GRB2: variants seen among roughly 807,000 people sequenced by gnomAD.
GRB2 encodes growth factor receptor bound protein 2.
In GRB2, 2 loss-of-function variants were observed where a neutral mutation model predicts 27.4. That is an observed-to-expected ratio of 0.07 (90% confidence interval 0.03 to 0.23). The LOEUF is 0.23. Among genes scored for constraint, GRB2 ranks in the 10% least tolerant of loss-of-function variants. The pLI is 1.00. For synonymous variants in GRB2, 94 were observed against 99.6 expected (o/e 0.94, Z 0.33); for missense variants, 102 against 282.4 (o/e 0.36, Z 4.58).
intron 2 of GRB2, among the ~76,000 whole-genome samples, chr17:75,364,049 GC>G (rs2078803885): frequency 6.6e-6 from 1 of 151,990 alleles, no homozygotes; most frequent in African/African-American, 2.4e-5. Context: ...ATATCTAACA[GC>G]CCAATACATC....
chr17:75,346,514 A>G (rs2078655913), intron 2 of GRB2, among the ~76,000 whole-genome samples: 1 of 150,042 alleles, frequency 6.7e-6, no homozygotes, highest in Non-Finnish European at 1.5e-5. Flanking sequence ...AAAGACAGGT[A>G]TCAATCTTAT....
At chr17:75,401,916 G>A (rs1419883274) in intron 1 of GRB2, among the ~76,000 whole-genome samples, 2 of 152,188 alleles carry the variant, frequency 1.3e-5, no homozygotes, top group African/African-American at 4.8e-5. Flanking sequence ...AGTATTTTCA[G>A]TCTCTTTTCA....
At chr17:75,351,054 C>T (rs911898316) in intron 2 of GRB2, among the ~76,000 whole-genome samples, 6 of 152,036 alleles carry the variant, frequency 3.9e-5, no homozygotes, top group Admixed American at 2.0e-4. Context: ...GTGTGGCACA[C>T]GGCTCTGAGG....
intron 2 of GRB2, 36 bp downstream of exon 2, chr17:75,393,515 A>C: frequency 6.5e-7 from 1 of 1,532,250 alleles, no homozygotes; most frequent in Non-Finnish European, 9.0e-7. Flanking sequence ...GCACAGGGAG[A>C]GCGATCTCAG....
intron 2 of GRB2, among the ~76,000 whole-genome samples, chr17:75,347,791 C>T (rs1468767429): frequency 6.6e-6 from 1 of 152,100 alleles, no homozygotes; most frequent in African/African-American, 2.4e-5. Flanking sequence ...TGTGGAGGTC[C>T]CCAGCTGGAG....
intron 2 of GRB2, among the ~76,000 whole-genome samples, chr17:75,337,901 C>CTACTACTACTACTACTATTATTAT (rs1375563317): frequency 8.5e-6 from 1 of 117,388 alleles, no homozygotes; most frequent in Non-Finnish European, 1.7e-5. Flanking sequence ...ACTACTACTA[C>CTACTACTACTACTACTATTATTAT]TATTATTATT....
At chr17:75,404,962 T>G (rs1165602916) in intron 1 of GRB2, 1 of 150,692 alleles carries the variant, frequency 6.6e-6, no homozygotes, top group African/African-American at 2.4e-5. Flanking sequence ...TTCAAATAGT[T>G]TTTTTTTTTA....
intron 2 of GRB2, among the ~76,000 whole-genome samples, chr17:75,334,990 C>G (rs939094025): frequency 6.6e-6 from 1 of 151,806 alleles, no homozygotes; most frequent in African/African-American, 2.4e-5. Flanking sequence ...GTACCTGGGA[C>G]TATAGGCACT....
At chr17:75,400,220 C>T (rs1458008693) in intron 1 of GRB2, among the ~76,000 whole-genome samples, 1 of 152,134 alleles carries the variant, frequency 6.6e-6, no homozygotes, top group Non-Finnish European at 1.5e-5. Context: ...GTCACCCAGG[C>T]TGAAGTGCAA....
At chr17:75,351,366 C>T (rs1029588425) in intron 2 of GRB2, among the ~76,000 whole-genome samples, 19 of 152,028 alleles carry the variant, frequency 1.2e-4, no homozygotes, top group African/African-American at 3.9e-4. Context: ...TAGAGGAAGA[C>T]GGCCAAGTGC....
In GRB2 at chr17:75,383,088, A is replaced by G. The variant is rs565690610; in HGVS notation, c.78+10463T>C. ...TTGAGACTAGAGAGAATGTTTACCC[A>G]TGGCTTCTCACTGAGGGCAGTTAGA... On this transcript the variant is annotated intron_variant, in intron 2 of 5. Transcript: ENST00000316804. Among the ~76,000 whole-genome samples, 26 of 151,738 alleles carry G rather than the reference A, an allele frequency of 1.7e-4. No individual in the cohort carries two copies. The South Asian group carries it at 5.3e-3, about 31-fold the overall frequency.
At chr17:75,374,561 GAC>G (rs144253308) in intron 2 of GRB2, among the ~76,000 whole-genome samples, 3 of 151,602 alleles carry the variant, frequency 2.0e-5, no homozygotes, top group Non-Finnish European at 2.9e-5. Flanking sequence ...AAATCCTATT[GAC>G]ACACACACAC....
chr17:75,384,817 T>C (rs534198597), intron 2 of GRB2, among the ~76,000 whole-genome samples: 3 of 151,710 alleles, frequency 2.0e-5, no homozygotes, highest in South Asian at 4.1e-4. Flanking sequence ...AAGAGATCTA[T>C]GTATATGATA....
At chr17:75,349,596 C>G (rs1047838114) in intron 2 of GRB2, among the ~76,000 whole-genome samples, 1 of 151,498 alleles carries the variant, frequency 6.6e-6, no homozygotes, top group African/African-American at 2.4e-5. Flanking sequence ...CTGCAACCCC[C>G]GCACCCTCTG....
Position 75,320,310 on chromosome 17 carries a change from AATTCTTTTGTATGTGTTTTAC to A in GRB2, c.*37_*57del, listed in dbSNP as rs1258323081. On this transcript the variant is annotated 3_prime_UTR_variant, in exon 6 of 6. Transcript: ENST00000316804. This position sits in a 1 kb window ranked among gnomAD's most constrained non-coding sequence, Gnocchi z 4.3. ...GCTGTCAGAGGCAGCTTGTGGGTTT[AATTCTTTTGTATGTGTTTTAC>A]ATTTTTCACTTTCTTTAAATAATTG... is the stretch of plus-strand genomic sequence containing the variant. 3 of 1,454,740 alleles carry A rather than the reference AATTCTTTTGTATGTGTTTTAC, an allele frequency of 2.1e-6. No individual in the cohort carries two copies. The highest frequency in any genetic ancestry group is 1.4e-5 in the African/African-American group (1 of 71,584). The allele number at this position is 1,454,740 out of a possible 1,614,324, so 90.1% of individuals were successfully genotyped here.
chr17:75,384,997 G>T (rs1298963377), intron 2 of GRB2, among the ~76,000 whole-genome samples: 1 of 119,526 alleles, frequency 8.4e-6, no homozygotes, highest in East Asian at 2.8e-4. Flanking sequence ...TTCGAGACCA[G>T]CGTGGGCAAC....
chr17:75,326,567 T>C (rs2078500111), intron 3 of GRB2, among the ~76,000 whole-genome samples: 1 of 152,230 alleles, frequency 6.6e-6, no homozygotes, highest in African/African-American at 2.4e-5. Context: ...TACCAGTAAC[T>C]AAGGTCAGCA....
chr17:75,327,389 T>C (rs1405729353), intron 3 of GRB2, among the ~76,000 whole-genome samples: 1 of 148,510 alleles, frequency 6.7e-6, no homozygotes, highest in African/African-American at 2.6e-5. Context: ...CTTTTTTTTT[T>C]AGATAGAGTC....
intron 2 of GRB2, among the ~76,000 whole-genome samples, chr17:75,384,813 T>A (rs2078951740): frequency 1.3e-5 from 2 of 151,556 alleles, no homozygotes. Flanking sequence ...CAGAAAGAGA[T>A]CTATGTATAT....
Sources: allele counts gnomAD v4.1 joint callset (sites outside exome capture counted in the v4.1 genomes callset), GRCh38; gene constraint gnomAD v4.1.1; non-coding constraint Gnocchi (gnomAD v3.1); transcripts MANE v1.5; gene names NCBI Gene and HGNC (gene_info 2026-07-23, HGNC 2026-07-21).